The following SLC44A5 variants were observed in gnomAD, a reference collection of about 807,000 sequenced individuals.
SLC44A5 encodes choline transporter-like protein 5.
In SLC44A5, 57 loss-of-function variants were observed where a neutral mutation model predicts 101.8. The ratio of observed to expected loss-of-function variants is 0.56; its 90% CI spans 0.45 to 0.70. The LOEUF (loss-of-function observed/expected upper bound fraction) is 0.70. Ranked by LOEUF, SLC44A5 falls within the 30% of genes least tolerant of loss-of-function variation. The pLI, the probability that SLC44A5 is intolerant of heterozygous loss-of-function variation, is 0.00. For missense variants in SLC44A5, 737 were observed against 853.1 expected (o/e 0.86, Z 1.70); for synonymous variants, 281 against 290.9 (o/e 0.97, Z 0.35).
At chr1:75,239,389 G>A (rs1260514078) in intron 9 of SLC44A5, among the ~76,000 whole-genome samples, 2 of 151,924 alleles carry the variant, frequency 1.3e-5, no homozygotes, top group African/African-American at 4.8e-5. Flanking sequence ...ATCAGAAATG[G>A]ATCATTTTCA....
chr1:75,628,732 A>G, the SLC44A5 span, among the ~76,000 whole-genome samples: 1 of 152,178 alleles, frequency 6.6e-6, no homozygotes, highest in Non-Finnish European at 1.5e-5. Flanking sequence ...GTTTTCAAGA[A>G]TTTACAGAAT....
rs756456967 is a variant in SLC44A5, at chr1:75,241,954, C to G, written c.532+47G>C. On this transcript the variant is annotated intron_variant, in intron 9 of 23. Coordinates refer to ENST00000370859, the MANE Select transcript of SLC44A5 (RefSeq NM_001130058.2). ...GAAATACGGGAACTTAATTAAGTAG[C>G]ATTTTGGTAGATCCTATGTTTCTAA... The G allele has an allele frequency of 5.4e-6, 8 of 1,492,916 alleles. No individual in the cohort carries two copies. In the Admixed American group the frequency reaches 6.7e-5, roughly 13 times the overall value. 92.5% of individuals were successfully genotyped at this position (1,492,916 alleles called of 1,614,324 possible). A position where few individuals can be genotyped will look rare whatever the true frequency, so the allele number is the denominator to read the frequency against.
chr1:75,680,180 A>G, the SLC44A5 span, among the ~76,000 whole-genome samples: 3 of 152,082 alleles, frequency 2.0e-5, no homozygotes, highest in Admixed American at 6.6e-5. Flanking sequence ...TTAACACCCC[A>G]CTGTCAACAT....
chr1:75,584,771 G>A lies in SLC44A5; in HGVS notation c.-70+26269C>T, dbSNP rs921408465. 3.3e-5 allele frequency among the ~76,000 whole-genome samples: 5 copies of A among 151,906 alleles called. No homozygotes were observed. In the East Asian group the frequency reaches 7.7e-4, roughly 24 times the overall value. ...GCCACAATGCCTGGCTAATTTTTGT[G>A]TTTTCAGTAGAGAAGGGGTTTCACC... On this transcript the variant is annotated intron_variant, in intron 1 of 23. Transcript: ENST00000370859.
intron 2 of SLC44A5, among the ~76,000 whole-genome samples, chr1:75,500,908 T>G (rs556309561): frequency 6.6e-6 from 1 of 152,192 alleles, no homozygotes; most frequent in African/African-American, 2.4e-5. Context: ...AACAAATCGA[T>G]GTATCATCTT....
intron 23 of SLC44A5, 134 bp from the exon 24 acceptor site, chr1:75,203,967 C>A: frequency 8.8e-7 from 1 of 1,130,786 alleles, no homozygotes; most frequent in Non-Finnish European, 1.2e-6. Context: ...GTTTTTTAAA[C>A]AGCATAGTTT....
At chr1:75,275,070 C>G (rs1211782661) in intron 5 of SLC44A5, 28 bp from the exon 6 acceptor site, 1 of 1,590,510 alleles carries the variant, frequency 6.3e-7, no homozygotes, top group African/African-American at 1.3e-5. Context: ...GACAAATATG[C>G]TATCAGCAAA....
At chr1:75,709,038 G>A in the SLC44A5 span, among the ~76,000 whole-genome samples, 7 of 152,014 alleles carry the variant, frequency 4.6e-5, no homozygotes, top group Admixed American at 1.3e-4. Flanking sequence ...TGTTAATCCC[G>A]GATACTGATG....
chr1:75,691,544 G>A, the SLC44A5 span, among the ~76,000 whole-genome samples: 8 of 152,260 alleles, frequency 5.3e-5, no homozygotes, highest in African/African-American at 9.6e-5. Flanking sequence ...GTAAGGCCAC[G>A]AGGGAAACAA....
rs564438406 is a variant in SLC44A5, at chr1:75,503,632, C to T, written c.13+37803G>A. 3.3e-5 allele frequency among the ~76,000 whole-genome samples: 5 copies of T among 152,292 alleles called. No homozygotes were observed. The East Asian group carries it at 9.6e-4, about 29-fold the overall frequency. On this transcript the variant is annotated intron_variant, in intron 2 of 23. Coordinates refer to ENST00000370859, the MANE Select transcript of SLC44A5 (RefSeq NM_001130058.2). ...AGCAGTGTGAGAAAGCACTAACACA[C>T]TCTTATAAACCTCTCAAGTAATATG...
chr1:75,223,787 A>G (rs1647138717), intron 13 of SLC44A5, among the ~76,000 whole-genome samples: 1 of 152,172 alleles, frequency 6.6e-6, no homozygotes, highest in Admixed American at 6.5e-5. Context: ...GTATCATCTC[A>G]CTTCTACATC....
intron 3 of SLC44A5, among the ~76,000 whole-genome samples, chr1:75,350,893 C>CAAAAAAAAAAAAAA (rs11292382): frequency 1.3e-5 from 1 of 79,900 alleles, no homozygotes; most frequent in Non-Finnish European, 2.7e-5. Flanking sequence ...GACTCCATCT[C>CAAAAAAAAAAAAAA]AAAAAAAAAA....
chr1:75,562,053 AC>A (rs1413552785), intron 1 of SLC44A5, among the ~76,000 whole-genome samples: 1 of 152,132 alleles, frequency 6.6e-6, no homozygotes, highest in Admixed American at 6.6e-5. Context: ...ATCCTGTGAC[AC>A]ATGTATACTT....
At chr1:75,680,929 T>C in the SLC44A5 span, among the ~76,000 whole-genome samples, 2 of 149,726 alleles carry the variant, frequency 1.3e-5, no homozygotes, top group African/African-American at 4.9e-5. Flanking sequence ...ATAAAGGGGA[T>C]ATCACCACCG....
rs76329013 is a variant in SLC44A5, at chr1:75,344,566, T to G, written c.53-4936A>C. On this transcript the variant is annotated intron_variant, in intron 3 of 23. Transcript: ENST00000370859. ...CTTCTATAGGGAAAAGGGAGGCAGA[T>G]GAGTCAAAGAAGGAAATGTGACAAC... 6.6e-5 allele frequency among the ~76,000 whole-genome samples: 10 copies of G among 152,194 alleles called. No individual in the cohort carries two copies. In the East Asian group the frequency reaches 1.7e-3, roughly 26 times the overall value.
At chr1:75,408,331 A>G (rs1663041258) in intron 2 of SLC44A5, among the ~76,000 whole-genome samples, 1 of 152,192 alleles carries the variant, frequency 6.6e-6, no homozygotes, top group Non-Finnish European at 1.5e-5. Flanking sequence ...AGAATCAGAA[A>G]TACCAATTTG....
At chr1:75,290,093 A>T (rs1212844056) in intron 5 of SLC44A5, among the ~76,000 whole-genome samples, 3 of 152,232 alleles carry the variant, frequency 2.0e-5, no homozygotes, top group African/African-American at 7.2e-5. Context: ...GTGGGTTTTG[A>T]TAACATGGAC....
chr1:75,219,888 T>C lies in SLC44A5; in HGVS notation c.1090A>G (p.Ile364Val), dbSNP rs199758452. 1 of 1,597,690 alleles carries C rather than the reference T, an allele frequency of 6.3e-7. No homozygotes were observed. Among genetic ancestry groups the C allele is most frequent in the East Asian group, 2.2e-5 (1 of 44,474 alleles). ...ACTAATGTACTAGGAACATATCCAA[T>C]GGCTCTGAAATAAAACAAATAGTTG... ...IILLKEGSKA[I>V]GYVPSTLVYP... Residue 364 changes from isoleucine to valine, a missense_variant, in exon 15 of 24, where the codon ATT becomes GTT. Coordinates refer to ENST00000370859, the MANE Select transcript of SLC44A5 (RefSeq NM_001130058.2).
At chr1:75,688,001 C>T in the SLC44A5 span, among the ~76,000 whole-genome samples, 1 of 152,302 alleles carries the variant, frequency 6.6e-6, no homozygotes, top group Admixed American at 6.5e-5. Flanking sequence ...CTTCCTTGTT[C>T]CTCAGAGCTG....
Sources: allele counts gnomAD v4.1 joint callset (sites outside exome capture counted in the v4.1 genomes callset), GRCh38; gene constraint gnomAD v4.1.1; transcripts MANE v1.5; gene names NCBI Gene and HGNC (gene_info 2026-07-23, HGNC 2026-07-21).